APOBEC2: variants seen among roughly 807,000 people sequenced by gnomAD.
APOBEC2 encodes C->U-editing enzyme APOBEC-2.
Under a neutral mutation model 19.4 loss-of-function variants are expected in APOBEC2, and 14 were observed. The observed-to-expected ratio is 0.72, with a 90% confidence interval of 0.48 to 1.13. APOBEC2 has a LOEUF of 1.13. Ranked by LOEUF, APOBEC2 falls within the 50% of genes most tolerant of loss-of-function variation. The pLI, the probability that APOBEC2 is intolerant of heterozygous loss-of-function variation, is 0.00. For missense variants in APOBEC2, 304 were observed against 277.0 expected, an observed-to-expected ratio of 1.10 and a Z score of -0.69; for synonymous variants, 127 against 112.1, an observed-to-expected ratio of 1.13 and a Z score of -0.84.
chr6:41,063,163 C>G (rs1336472783), intron 2 of APOBEC2, among the ~76,000 whole-genome samples: 1 of 152,212 alleles, frequency 6.6e-6, no homozygotes, highest in African/African-American at 2.4e-5. Flanking sequence ...TGATCATTCT[C>G]AAGCTGAGCA....
At chr6:41,063,663 T>TAAAA (rs36027549) in intron 2 of APOBEC2, among the ~76,000 whole-genome samples, 4 of 141,536 alleles carry the variant, frequency 2.8e-5, no homozygotes, top group Non-Finnish European at 6.1e-5. Flanking sequence ...TATATCAAGT[T>TAAAA]AAAAAAAAAA....
chr6:41,056,278 C>T (rs1481758087), intron 1 of APOBEC2, among the ~76,000 whole-genome samples: 1 of 152,060 alleles, frequency 6.6e-6, no homozygotes, highest in African/African-American at 2.4e-5. Context: ...CATGCCACCA[C>T]GCCCAGCTAA....
intron 1 of APOBEC2, among the ~76,000 whole-genome samples, chr6:41,058,296 A>C (rs868077089): frequency 6.7e-6 from 1 of 148,570 alleles, no homozygotes; most frequent in African/African-American, 2.5e-5. Context: ...CCACACACAC[A>C]CACACACACA....
At position 41,058,599 on chromosome 6, in the gene APOBEC2, T is replaced by C. The variant is rs1430229176; in HGVS notation, c.132-2729T>C. On this transcript the variant is annotated intron_variant, in intron 1 of 2. Coordinates refer to ENST00000244669, the MANE Select transcript of APOBEC2 (RefSeq NM_006789.4). ...TCCTTCCTTCCACTAGTGGGCATAATAGTGTTAATTTATTCTGTGAGTCTA... is the reference window on the plus strand; with the variant it reads ...TCCTTCCTTCCACTAGTGGGCATAACAGTGTTAATTTATTCTGTGAGTCTA... Among the ~76,000 whole-genome samples, 4 of 152,260 alleles carry C rather than the reference T, an allele frequency of 2.6e-5. No individual in the cohort carries two copies. In the South Asian group the frequency reaches 6.2e-4, roughly 24 times the overall value.
At position 41,061,520 on chromosome 6, in the gene APOBEC2, G is replaced by T; in HGVS notation, c.324G>T (p.Leu108=). 1 of 1,614,066 alleles carries T rather than the reference G, an allele frequency of 6.2e-7. No homozygotes were observed. Among genetic ancestry groups the T allele is most frequent in the Non-Finnish European group, 8.5e-7 (1 of 1,179,936 alleles). Residue 108 remains leucine (L), a synonymous_variant, in exon 2 of 3, where the codon CTG becomes CTT. Transcript: ENST00000244669. ...AGGAAGCTTTCTTCAACACCATCCT[G>T]CCAGCCTTCGACCCAGCCCTGCGGT... The part of the protein sequence containing the change: ...HAEEAFFNTI[L]PAFDPALRYN...
chr6:41,060,245 A>G (rs970386034), intron 1 of APOBEC2, among the ~76,000 whole-genome samples: 16 of 152,136 alleles, frequency 1.1e-4, no homozygotes, highest in Non-Finnish European at 5.9e-5. Flanking sequence ...TTCATCACCA[A>G]GTTTAGTGTC....
chr6:41,053,790 G>A (rs912724823), intron 1 of APOBEC2, among the ~76,000 whole-genome samples: 9 of 152,192 alleles, frequency 5.9e-5, no homozygotes, highest in African/African-American at 2.2e-4. Context: ...CTGGGTAGAA[G>A]CTTAGTCCCA....
At position 41,053,468 on chromosome 6, in the gene APOBEC2, A is replaced by G. The variant is rs745828120; in HGVS notation, c.121A>G (p.Ile41Val). The stretch of plus-strand genomic sequence containing the variant: ...GCTGATTGAGCTGCCGCCCTTTGAG[A>G]TTGTCACAGGGTAAGCCTCAGATGT... Reference protein sequence around the residue: ...KELIELPPFEIVTGERLPANF... With the variant: ...KELIELPPFEVVTGERLPANF... The change falls in exon 1 of 3, where the codon ATT (isoleucine) becomes GTT (valine). Residue 41 changes from isoleucine (I) to valine (V), a missense_variant. Coordinates refer to ENST00000244669, the MANE Select transcript of APOBEC2 (RefSeq NM_006789.4). 1 of 1,614,126 alleles carries G rather than the reference A, an allele frequency of 6.2e-7. No homozygotes were observed. Among genetic ancestry groups the G allele is most frequent in the East Asian group, 2.2e-5 (1 of 44,866 alleles).
intron 2 of APOBEC2, among the ~76,000 whole-genome samples, chr6:41,063,122 GT>G (rs1350559650): frequency 6.6e-6 from 1 of 152,152 alleles, no homozygotes; most frequent in African/African-American, 2.4e-5. Context: ...ATGTTGGCAG[GT>G]GTTTTCTATT....
At chr6:41,063,374 C>A (rs998507427) in intron 2 of APOBEC2, among the ~76,000 whole-genome samples, 1 of 152,056 alleles carries the variant, frequency 6.6e-6, no homozygotes, top group Admixed American at 6.5e-5. Context: ...TTTTAGAATT[C>A]CTTGAAGATT....
chr6:41,055,735 G>A (rs981724062), intron 1 of APOBEC2, among the ~76,000 whole-genome samples: 15 of 152,208 alleles, frequency 9.9e-5, no homozygotes, highest in Non-Finnish European at 1.9e-4. Context: ...GATAGAAAGC[G>A]GAACTGAGCA....
At chr6:41,059,239 C>T (rs1308945476) in intron 1 of APOBEC2, among the ~76,000 whole-genome samples, 1 of 152,234 alleles carries the variant, frequency 6.6e-6, no homozygotes, top group African/African-American at 2.4e-5. Flanking sequence ...AGCTTCCAAG[C>T]TATTTGAGTA....
chr6:41,064,860 T>C lies in APOBEC2; in HGVS notation c.*781T>C, dbSNP rs1262839414. On this transcript the variant is annotated 3_prime_UTR_variant, in exon 3 of 3. Transcript: ENST00000244669. ...GTTCAGATATACAATCATTTAAAAG[T>C]ATTCAATACATGGTGTTTGATGGTA... 6.6e-6 allele frequency: 1 copy of C among 152,154 alleles called. No individual in the cohort carries two copies. The highest frequency in any genetic ancestry group is 1.5e-5 in the Non-Finnish European group (1 of 68,036). The allele number at this position is 152,154 out of a possible 1,614,324, so 9.4% of individuals were successfully genotyped here. A position where few individuals can be genotyped will look rare whatever the true frequency, so the allele number is the denominator to read the frequency against.
chr6:41,054,861 CA>C (rs1234110390), intron 1 of APOBEC2, among the ~76,000 whole-genome samples: 1 of 152,184 alleles, frequency 6.6e-6, no homozygotes, highest in Non-Finnish European at 1.5e-5. Flanking sequence ...CGCGTGTGCA[CA>C]CTACACTCTT....
intron 1 of APOBEC2, among the ~76,000 whole-genome samples, chr6:41,060,178 T>C (rs1762853992): frequency 6.6e-6 from 1 of 152,112 alleles, no homozygotes; most frequent in South Asian, 2.1e-4. Context: ...TTCCTGGACT[T>C]TTCCTGCTGT....
At chr6:41,054,538 A>G (rs1463910670) in intron 1 of APOBEC2, among the ~76,000 whole-genome samples, 3 of 152,240 alleles carry the variant, frequency 2.0e-5, no homozygotes, top group Non-Finnish European at 2.9e-5. Flanking sequence ...CACTTATAAC[A>G]TGAAGATCTA....
At chr6:41,058,310 G>C (rs1413214518) in intron 1 of APOBEC2, among the ~76,000 whole-genome samples, 1 of 102,022 alleles carries the variant, frequency 9.8e-6, no homozygotes, top group East Asian at 2.6e-4. Flanking sequence ...ACACACACAG[G>C]TTTCTACGCA....
chr6:41,063,762 A>C (rs1163852186), intron 2 of APOBEC2, among the ~76,000 whole-genome samples: 2 of 149,812 alleles, frequency 1.3e-5, no homozygotes, highest in Non-Finnish European at 3.0e-5. Flanking sequence ...GCATTTGTTA[A>C]ATAAAGTGTC....
chr6:41,058,151 C>CCA (rs375076306), intron 1 of APOBEC2, among the ~76,000 whole-genome samples: 4,729 of 68,202 alleles, frequency 0.069, 243 homozygotes, highest in East Asian at 0.097. Context: ...CCACCCCACC[C>CCA]CACACACACA....
Sources: allele counts gnomAD v4.1 joint callset (sites outside exome capture counted in the v4.1 genomes callset), GRCh38; gene constraint gnomAD v4.1.1; transcripts MANE v1.5; gene names NCBI Gene and HGNC (gene_info 2026-07-23, HGNC 2026-07-21).